Variants in RBFOX3 observed in about 807,000 individuals in gnomAD.
RBFOX3 encodes RNA binding protein fox-1 homolog 3.
RBFOX3 carries 17 observed loss-of-function variants against 48.7 expected under a neutral mutation model. The observed-to-expected ratio is 0.35, with a 90% confidence interval of 0.24 to 0.52. The LOEUF (loss-of-function observed/expected upper bound fraction) is 0.52. Ranked by LOEUF, RBFOX3 falls within the 20% of genes least tolerant of loss-of-function variation. RBFOX3 has a pLI of 0.94. For synonymous variants in RBFOX3, 212 were observed against 209.5 expected (o/e 1.01, Z -0.10); for missense variants, 382 against 497.5 (o/e 0.77, Z 2.21).
chr17:79,091,328 G>A (rs747909967), intron 14 of RBFOX3, among the ~76,000 whole-genome samples: 2 of 152,238 alleles, frequency 1.3e-5, no homozygotes, highest in African/African-American at 2.4e-5. Context: ...GAGCCCAGCC[G>A]TGGCACACTC....
chr17:79,098,157 C>T (rs763874174), intron 9 of RBFOX3: 18 of 176,722 alleles, frequency 1.0e-4, no homozygotes, highest in South Asian at 2.8e-4. Flanking sequence ...CCCCACCATC[C>T]GAGCTCCAGG....
chr17:79,650,629 C>A, the RBFOX3 span, among the ~76,000 whole-genome samples: 7 of 152,098 alleles, frequency 4.6e-5, no homozygotes, highest in Admixed American at 3.3e-4. Context: ...AAGTCTCCGG[C>A]CCCTCCACTG....
At chr17:79,126,380 T>G (rs1472209920) in intron 4 of RBFOX3, among the ~76,000 whole-genome samples, 2 of 152,156 alleles carry the variant, frequency 1.3e-5, no homozygotes, top group Admixed American at 6.5e-5. Flanking sequence ...GTACCCGATG[T>G]GAGCACCCCT....
In RBFOX3 at chr17:79,482,258, A is replaced by C. The variant is rs975821786; in HGVS notation, c.-175+196T>G. Among the ~76,000 whole-genome samples the C allele has an allele frequency of 6.6e-6, 1 of 150,660 alleles. No homozygotes were observed. Among genetic ancestry groups the C allele is most frequent in the Non-Finnish European group, 1.5e-5 (1 of 67,666 alleles). On this transcript the variant is annotated intron_variant, in intron 2 of 14. Transcript: ENST00000693108. This position sits in a 1 kb window ranked among gnomAD's most constrained non-coding sequence, Gnocchi z 4.1. ...GGTCACTCCTTAAAAATTCTACCCC[A>C]TACCTTCTTGGGCGTCCGTCGATGT...
rs566772429 is a variant in RBFOX3 at position 79,251,639 on chromosome 17, G to C, written c.-73-15834C>G. ...CCTTCTCTTCCTAGAACATGGCGCG[G>C]CCTCTGAACTTGATCCTGGCTCAGA... is the stretch of plus-strand genomic sequence containing the variant. On this transcript the variant is annotated intron_variant, in intron 3 of 14. Transcript: ENST00000693108. 5.3e-5 allele frequency among the ~76,000 whole-genome samples: 8 copies of C among 152,192 alleles called. No individual in the cohort carries two copies. In the East Asian group the frequency reaches 1.6e-3, roughly 30 times the overall value.
At chr17:79,258,481 T>A (rs1400787765) in intron 3 of RBFOX3, among the ~76,000 whole-genome samples, 4 of 152,200 alleles carry the variant, frequency 2.6e-5, no homozygotes, top group Non-Finnish European at 5.9e-5. Context: ...AGCACGGGAA[T>A]GTGCTGGGCC....
intron 2 of RBFOX3, among the ~76,000 whole-genome samples, chr17:79,476,229 C>A (rs1327220831): frequency 6.6e-6 from 1 of 152,244 alleles, no homozygotes; most frequent in Non-Finnish European, 1.5e-5. Flanking sequence ...TGCTTTAACA[C>A]ACGGAGTGAC....
intron 1 of RBFOX3, among the ~76,000 whole-genome samples, chr17:79,530,230 G>A (rs2087517028): frequency 6.6e-6 from 1 of 152,152 alleles, no homozygotes; most frequent in South Asian, 2.1e-4. Flanking sequence ...CTTTGCGGGG[G>A]CCAAGCTGGG....
At chr17:79,366,976 T>A (rs756689615) in intron 2 of RBFOX3, among the ~76,000 whole-genome samples, 2 of 152,076 alleles carry the variant, frequency 1.3e-5, no homozygotes, top group Non-Finnish European at 2.9e-5. Flanking sequence ...GGCAAAGGGG[T>A]ACAAAGGCCA....
rs532019692 is a variant in RBFOX3 at position 79,421,134 on chromosome 17, C to T, written c.-175+61320G>A. ...AACATCAGTGCCAGGAAGATGACAC[C>T]GTCCTGGCTTCACAGCAGAGGGCAG... On this transcript the variant is annotated intron_variant, in intron 2 of 14. Transcript: ENST00000693108. The surrounding 1 kb of genome is among the most constrained non-coding windows in gnomAD (Gnocchi z 4.5). Among the ~76,000 whole-genome samples, 46 of 152,270 alleles carry T rather than the reference C, an allele frequency of 3.0e-4. No individual in the cohort carries two copies. Among genetic ancestry groups the T allele is most frequent in the African/African-American group, 1.1e-3 (45 of 41,558 alleles).
intron 2 of RBFOX3, among the ~76,000 whole-genome samples, chr17:79,452,360 TG>T (rs1178387963): frequency 6.6e-6 from 1 of 152,172 alleles, no homozygotes; most frequent in Non-Finnish European, 1.5e-5. Context: ...GGAAGGCGGA[TG>T]GGCATTCTTT....
intron 4 of RBFOX3, among the ~76,000 whole-genome samples, chr17:79,157,301 G>C (rs953610043): frequency 1.3e-5 from 2 of 152,212 alleles, no homozygotes; most frequent in African/African-American, 4.8e-5. Flanking sequence ...AGCTGGCCCT[G>C]TGGCCTAGCC....
At chr17:79,241,031 A>G (rs1369075248) in intron 3 of RBFOX3, among the ~76,000 whole-genome samples, 1 of 152,158 alleles carries the variant, frequency 6.6e-6, no homozygotes, top group Non-Finnish European at 1.5e-5. Context: ...GCTGGAGTGC[A>G]GTGGCACAAT....
the RBFOX3 span, among the ~76,000 whole-genome samples, chr17:79,658,735 C>T: frequency 2.0e-5 from 3 of 152,116 alleles, no homozygotes; most frequent in African/African-American, 2.4e-5. Flanking sequence ...GCACTGTCAT[C>T]GCCTCAGGAG....
chr17:79,130,843 C>T (rs749627714), intron 4 of RBFOX3, among the ~76,000 whole-genome samples: 43 of 152,268 alleles, frequency 2.8e-4, no homozygotes, highest in African/African-American at 5.1e-4. Context: ...TGCCTGGAGG[C>T]GGGACCTGGC....
intron 4 of RBFOX3, among the ~76,000 whole-genome samples, chr17:79,127,713 T>C (rs2037681824): frequency 6.6e-6 from 1 of 152,168 alleles, no homozygotes; most frequent in African/African-American, 2.4e-5. Context: ...CCAGGAAAGA[T>C]GTCCTGCCAT....
intron 1 of RBFOX3, among the ~76,000 whole-genome samples, chr17:79,531,053 G>A (rs2087688083): frequency 6.6e-6 from 1 of 152,256 alleles, no homozygotes; most frequent in Non-Finnish European, 1.5e-5. Context: ...TTGTGCCCCA[G>A]TCCAGGGGCT....
Position 79,097,732 on chromosome 17 carries a change from A to C in RBFOX3, c.582T>G (p.Asn194Lys). 1.3e-6 allele frequency: 2 copies of C among 1,548,490 alleles called. No individual in the cohort carries two copies. The highest frequency in any genetic ancestry group is 1.7e-6 in the Non-Finnish European group (2 of 1,145,478). The stretch of plus-strand genomic sequence containing the variant: ...GCCCGTAGACTGCGCCGACCACTGG[A>C]TTTAGCTTCCAGCCTAAAACAAAGG... Reference protein sequence around the residue: ...GNPYTNGWKLNPVVGAVYGPE... With the variant: ...GNPYTNGWKLKPVVGAVYGPE... The change falls in exon 10 of 15, where the codon AAT (asparagine) becomes AAG (lysine). Residue 194 changes from asparagine to lysine, a missense_variant. Asn to Lys is a moderately conservative substitution (Grantham distance 94, BLOSUM62 0). Transcript: ENST00000693108.
intron 2 of RBFOX3, among the ~76,000 whole-genome samples, chr17:79,448,434 C>T (rs1423154535): frequency 1.3e-5 from 2 of 152,160 alleles, no homozygotes; most frequent in South Asian, 2.1e-4. Flanking sequence ...ATCCAGGGAT[C>T]AGTGTCCTCA....
Sources: allele counts gnomAD v4.1 joint callset (sites outside exome capture counted in the v4.1 genomes callset), GRCh38; gene constraint gnomAD v4.1.1; non-coding constraint Gnocchi (gnomAD v3.1); transcripts MANE v1.5; gene names NCBI Gene and HGNC (gene_info 2026-07-23, HGNC 2026-07-21).